The following SPOCK3 variants were observed in gnomAD, a reference collection of about 807,000 sequenced individuals.
SPOCK3 encodes the protein SPARC (osteonectin), cwcv and kazal like domains proteoglycan 3.
Under a neutral mutation model 56.6 loss-of-function variants are expected in SPOCK3, and 30 were observed. The observed-to-expected ratio is 0.53, with a 90% confidence interval of 0.40 to 0.72. The LOEUF is 0.72. SPOCK3 is among the 30% of genes least tolerant of loss of function. SPOCK3 has a pLI of 0.00. For missense variants in SPOCK3, 527 were observed against 530.0 expected (o/e 0.99, Z 0.06); for synonymous variants, 196 against 183.3 (o/e 1.07, Z -0.56).
chr4:166,839,697 C>T (rs1747030889), intron 6 of SPOCK3, among the ~76,000 whole-genome samples: 1 of 152,150 alleles, frequency 6.6e-6, no homozygotes, highest in Admixed American at 6.5e-5. Flanking sequence ...AGCTCATTTA[C>T]CATCATTATA....
At chr4:167,188,905 GTAACCTGAATAGCCCTAGATATAT>G (rs1732243845) in intron 2 of SPOCK3, among the ~76,000 whole-genome samples, 1 of 146,178 alleles carries the variant, frequency 6.8e-6, no homozygotes. Flanking sequence ...AAGAAAAGAG[GTAACCTGAATAGCCCTAGATATAT>G]TAAAGAAATT....
At position 166,889,153 on chromosome 4, in the gene SPOCK3, C is replaced by A; in HGVS notation, c.566G>T (p.Ser189Ile). The A allele has an allele frequency of 6.2e-7, 1 of 1,608,770 alleles. No individual in the cohort carries two copies. The highest frequency in any genetic ancestry group is 8.5e-7 in the Non-Finnish European group (1 of 1,175,930). The change falls in exon 6 of 11, where the codon AGT (serine) becomes ATT (isoleucine). Residue 189 changes from serine (S) to isoleucine (I), a missense_variant. By Grantham distance (142) the Ser-to-Ile change is moderately radical (BLOSUM62 -2). Transcript: ENST00000357545. The part of the protein sequence containing the change: ...HCPCPSDKPT[S>I]TSRNVKRACS... ...ACCTCTCTTAACATTTCTGCTTGTA[C>A]TGGTGGGCTTATCTGAAGGACATGG... is the stretch of plus-strand genomic sequence containing the variant.
At chr4:167,111,391 C>G (rs544691327) in intron 2 of SPOCK3, among the ~76,000 whole-genome samples, 2 of 152,024 alleles carry the variant, frequency 1.3e-5, no homozygotes, top group East Asian at 3.9e-4. Flanking sequence ...CTAATCCCAG[C>G]CAAACAGAAT....
intron 3 of SPOCK3, among the ~76,000 whole-genome samples, chr4:167,012,557 A>G (rs1475066813): frequency 6.6e-6 from 1 of 152,008 alleles, no homozygotes; most frequent in African/African-American, 2.4e-5. Context: ...AAAAATTAAG[A>G]AAACTAAGAC....
intron 6 of SPOCK3, among the ~76,000 whole-genome samples, chr4:166,864,920 C>A (rs954559703): frequency 6.6e-6 from 1 of 152,098 alleles, no homozygotes; most frequent in Non-Finnish European, 1.5e-5. Flanking sequence ...GGAGCCCTCC[C>A]TAACTTATTT....
At chr4:167,054,003 T>C (rs540795076) in intron 3 of SPOCK3, among the ~76,000 whole-genome samples, 1 of 152,196 alleles carries the variant, frequency 6.6e-6, no homozygotes, top group Non-Finnish European at 1.5e-5. Flanking sequence ...ACTGCCATGG[T>C]AGAGAACAAG....
intron 7 of SPOCK3, among the ~76,000 whole-genome samples, chr4:166,786,912 T>C (rs1740789409): frequency 6.6e-6 from 1 of 152,126 alleles, no homozygotes; most frequent in African/African-American, 2.4e-5. Context: ...TTTTTAAGAT[T>C]ATTTAAGGAG....
intron 2 of SPOCK3, among the ~76,000 whole-genome samples, chr4:167,191,237 A>AT (rs1732450794): frequency 6.9e-6 from 1 of 145,662 alleles, no homozygotes; most frequent in Admixed American, 7.0e-5. Flanking sequence ...GATATTTTAA[A>AT]TTTTTTTATT....
chr4:166,946,187 C>T (rs1054392567), intron 4 of SPOCK3, among the ~76,000 whole-genome samples: 5 of 151,972 alleles, frequency 3.3e-5, no homozygotes, highest in South Asian at 2.1e-4. Context: ...ACTCTCCAAA[C>T]CCCCACATCT....
chr4:167,199,123 A>G (rs561968955), intron 2 of SPOCK3, among the ~76,000 whole-genome samples: 15 of 152,250 alleles, frequency 9.9e-5, no homozygotes, highest in African/African-American at 3.4e-4. Flanking sequence ...GCACTGATTG[A>G]TGCCTGAAAT....
At chr4:167,060,350 G>A (rs1165787023) in intron 3 of SPOCK3, among the ~76,000 whole-genome samples, 1 of 150,974 alleles carries the variant, frequency 6.6e-6, no homozygotes, top group Non-Finnish European at 1.5e-5. Flanking sequence ...GGAAGAGTCT[G>A]TCACCAAGAA....
chr4:166,798,219 T>G (rs1742177891), intron 6 of SPOCK3, among the ~76,000 whole-genome samples: 2 of 152,206 alleles, frequency 1.3e-5, no homozygotes, highest in Non-Finnish European at 2.9e-5. Context: ...TCCTACTTAC[T>G]AAGCAAAAAG....
intron 10 of SPOCK3, among the ~76,000 whole-genome samples, 198 bp from the exon 11 acceptor site, chr4:166,735,288 G>A (rs1734111205): frequency 6.6e-6 from 1 of 151,916 alleles, no homozygotes; most frequent in Non-Finnish European, 1.5e-5. Context: ...AAATGTATGT[G>A]CTAAAAGCAG....
At chr4:166,945,277 C>G (rs1044202671) in intron 4 of SPOCK3, among the ~76,000 whole-genome samples, 1 of 152,080 alleles carries the variant, frequency 6.6e-6, no homozygotes, top group African/African-American at 2.4e-5. Flanking sequence ...GAAATACATT[C>G]ATTTATGTAC....
intron 2 of SPOCK3, among the ~76,000 whole-genome samples, chr4:167,080,739 T>C (rs1415057836): frequency 2.0e-5 from 3 of 151,912 alleles, no homozygotes; most frequent in African/African-American, 7.3e-5. Context: ...GAAAAATAAA[T>C]GGCATGTTAG....
chr4:166,799,526 TG>T (rs1317024173), intron 6 of SPOCK3, among the ~76,000 whole-genome samples: 3 of 152,140 alleles, frequency 2.0e-5, no homozygotes, highest in African/African-American at 7.2e-5. Flanking sequence ...GGACTTTGCT[TG>T]GGCATAGGGT....
chr4:167,038,810 T>C (rs547833168), intron 3 of SPOCK3, among the ~76,000 whole-genome samples: 1 of 152,274 alleles, frequency 6.6e-6, no homozygotes, highest in East Asian at 1.9e-4. Context: ...ATATATACTG[T>C]TGTTAATATT....
At chr4:166,922,368 A>C (rs1191582271) in intron 4 of SPOCK3, among the ~76,000 whole-genome samples, 1 of 152,222 alleles carries the variant, frequency 6.6e-6, no homozygotes, top group Non-Finnish European at 1.5e-5. Context: ...AGAAGTGATA[A>C]GGACAATATA....
At position 167,175,610 on chromosome 4, in the gene SPOCK3, C is replaced by T. The variant is rs115872484; in HGVS notation, c.189+58375G>A. ...CAATATGACTGGCGTCCTTATAATACGGGGAAACTTGAACACAGAAACATG... is the reference window on the plus strand; with the variant it reads ...CAATATGACTGGCGTCCTTATAATATGGGGAAACTTGAACACAGAAACATG... On this transcript the variant is annotated intron_variant, in intron 2 of 10. Transcript: ENST00000357545. 1.1e-3 allele frequency among the ~76,000 whole-genome samples: 162 copies of T among 152,004 alleles called. 1 individual carries two copies. Among genetic ancestry groups the T allele is most frequent in the African/African-American group, 3.3e-3 (137 of 41,458 alleles).
Sources: allele counts gnomAD v4.1 joint callset (sites outside exome capture counted in the v4.1 genomes callset), GRCh38; gene constraint gnomAD v4.1.1; transcripts MANE v1.5; gene names NCBI Gene and HGNC (gene_info 2026-07-23, HGNC 2026-07-21).